The following CFAP299 variants were observed in gnomAD, a reference collection of about 807,000 sequenced individuals.
CFAP299 encodes cilia and flagella associated protein 299.
A neutral mutation model predicts 27.0 loss-of-function variants in CFAP299; 21 were observed. The observed-to-expected ratio is 0.78, with a 90% CI of 0.55 to 1.12. CFAP299 has a LOEUF of 1.12. CFAP299 is among the 50% of genes most tolerant of loss of function. The pLI, the probability that CFAP299 is intolerant of heterozygous loss-of-function variation, is 0.00. For synonymous variants in CFAP299, 104 were observed against 98.1 expected, an observed-to-expected ratio of 1.06 and a Z score of -0.36; for missense variants, 310 against 276.6, an observed-to-expected ratio of 1.12 and a Z score of -0.86.
chr4:80,737,285 C>A (rs1296897613), intron 3 of CFAP299, among the ~76,000 whole-genome samples: 5 of 149,650 alleles, frequency 3.3e-5, no homozygotes, highest in African/African-American at 1.2e-4. Flanking sequence ...GCACATTGCG[C>A]ACATGTACCC....
intron 3 of CFAP299, among the ~76,000 whole-genome samples, chr4:80,624,564 T>A (rs1025417025): frequency 7.9e-5 from 12 of 151,976 alleles, no homozygotes; most frequent in Non-Finnish European, 1.3e-4. Context: ...GTAAGAAACC[T>A]TTTTAGAGAA....
chr4:80,869,968 C>T (rs753649579), intron 3 of CFAP299, 25 bp from the exon 4 acceptor site: 1 of 1,576,380 alleles, frequency 6.3e-7, no homozygotes. Context: ...ATATTTTTGT[C>T]TTATTCTCTA....
intron 3 of CFAP299, among the ~76,000 whole-genome samples, chr4:80,795,471 G>A (rs1727802337): frequency 6.6e-6 from 1 of 152,036 alleles, no homozygotes. Flanking sequence ...CCTGCATATT[G>A]TGCAGAACCA....
chr4:80,769,260 T>C (rs1726069803), intron 3 of CFAP299, among the ~76,000 whole-genome samples: 1 of 152,236 alleles, frequency 6.6e-6, no homozygotes, highest in South Asian at 2.1e-4. Flanking sequence ...AGTATTACCC[T>C]ATTTTACTGA....
At chr4:80,732,254 A>G (rs1265909818) in intron 3 of CFAP299, among the ~76,000 whole-genome samples, 1 of 152,056 alleles carries the variant, frequency 6.6e-6, no homozygotes, top group Non-Finnish European at 1.5e-5. Context: ...AGCCATAGAT[A>G]CTCTGGAAGT....
intron 2 of CFAP299, among the ~76,000 whole-genome samples, chr4:80,393,102 A>C (rs2110038919): frequency 6.6e-6 from 1 of 152,320 alleles, no homozygotes; most frequent in South Asian, 2.1e-4. Flanking sequence ...TGTGAGCATA[A>C]TGTTTATGTC....
At chr4:80,560,640 C>G (rs999782552) in intron 2 of CFAP299, among the ~76,000 whole-genome samples, 2 of 152,066 alleles carry the variant, frequency 1.3e-5, no homozygotes, top group Non-Finnish European at 2.9e-5. Context: ...ACTAAAGAGA[C>G]CGTGACCCTT....
intron 2 of CFAP299, among the ~76,000 whole-genome samples, chr4:80,539,878 G>T (rs1316519835): frequency 6.6e-6 from 1 of 152,174 alleles, no homozygotes; most frequent in Non-Finnish European, 1.5e-5. Flanking sequence ...ATTTGCAGGA[G>T]ATTTGGATTT....
intron 2 of CFAP299, among the ~76,000 whole-genome samples, chr4:80,562,893 A>G (rs1196868853): frequency 2.0e-5 from 3 of 151,980 alleles, no homozygotes; most frequent in Non-Finnish European, 4.4e-5. Flanking sequence ...AGCAGGAGTC[A>G]CTATACTTAT....
At chr4:80,640,120 A>G (rs977679483) in intron 3 of CFAP299, among the ~76,000 whole-genome samples, 2 of 152,220 alleles carry the variant, frequency 1.3e-5, no homozygotes, top group African/African-American at 2.4e-5. Context: ...ACTGTATGTT[A>G]TATGTATTTT....
At chr4:80,755,259 T>A (rs1725170327) in intron 3 of CFAP299, among the ~76,000 whole-genome samples, 1 of 151,998 alleles carries the variant, frequency 6.6e-6, no homozygotes, top group African/African-American at 2.4e-5. Flanking sequence ...TTAGGCTGCA[T>A]GTAAAATTGG....
intron 3 of CFAP299, among the ~76,000 whole-genome samples, chr4:80,764,474 G>C (rs1226523056): frequency 6.6e-6 from 1 of 152,140 alleles, no homozygotes; most frequent in African/African-American, 2.4e-5. Flanking sequence ...AGAGAAATAG[G>C]AACGCGTTTA....
chr4:80,796,890 C>T (rs1438496498), intron 3 of CFAP299, among the ~76,000 whole-genome samples: 1 of 152,174 alleles, frequency 6.6e-6, no homozygotes, highest in Non-Finnish European at 1.5e-5. Flanking sequence ...AGTTAGGGAA[C>T]CAATGTGGGC....
intron 5 of CFAP299, among the ~76,000 whole-genome samples, chr4:80,952,328 A>AAGTATTTTAAATT (rs1472101133): frequency 2.0e-5 from 3 of 152,194 alleles, no homozygotes; most frequent in African/African-American, 7.2e-5. Context: ...AAAATATTTT[A>AAGTATTTTAAATT]GGGTCTTAGG....
At chr4:80,725,026 C>T (rs1190939672) in intron 3 of CFAP299, among the ~76,000 whole-genome samples, 1 of 151,164 alleles carries the variant, frequency 6.6e-6, no homozygotes, top group Non-Finnish European at 1.5e-5. Context: ...CTCACTGCAA[C>T]CTCTGCCTCC....
intron 4 of CFAP299, among the ~76,000 whole-genome samples, chr4:80,930,192 C>T (rs1220904746): frequency 2.0e-5 from 3 of 152,116 alleles, no homozygotes; most frequent in African/African-American, 7.2e-5. Flanking sequence ...TATAAAAACC[C>T]AAAGGGACAG....
At chr4:80,891,712 A>G (rs1453738424) in intron 4 of CFAP299, among the ~76,000 whole-genome samples, 5 of 120,344 alleles carry the variant, frequency 4.2e-5, no homozygotes, top group African/African-American at 6.5e-5. Flanking sequence ...ACATGTATAC[A>G]TATGTAACTA....
intron 3 of CFAP299, among the ~76,000 whole-genome samples, chr4:80,722,831 G>A (rs1332274277): frequency 1.3e-5 from 2 of 151,998 alleles, no homozygotes; most frequent in African/African-American, 4.8e-5. Context: ...ACCCCGGGGG[G>A]CAGAGCCTGC....
At chr4:80,492,312 A>T (rs1731179079) in intron 2 of CFAP299, among the ~76,000 whole-genome samples, 1 of 152,170 alleles carries the variant, frequency 6.6e-6, no homozygotes, top group African/African-American at 2.4e-5. Flanking sequence ...GGTCACTTAT[A>T]TTTGGCTCAG....
Sources: allele counts gnomAD v4.1 joint callset (sites outside exome capture counted in the v4.1 genomes callset), GRCh38; gene constraint gnomAD v4.1.1; transcripts MANE v1.5; gene names NCBI Gene and HGNC (gene_info 2026-07-23, HGNC 2026-07-21).